The following LRMDA variants were observed in gnomAD, a reference collection of about 807,000 sequenced individuals.
The protein encoded by LRMDA is leucine-rich melanocyte differentiation-associated protein.
A neutral mutation model predicts 29.8 loss-of-function variants in LRMDA; 18 were observed. The observed-to-expected ratio is 0.60, with a 90% CI of 0.42 to 0.90. The LOEUF (loss-of-function observed/expected upper bound fraction) is 0.90. LRMDA is among the 40% of genes least tolerant of loss of function. The probability of loss-of-function intolerance (pLI) is 0.00; values close to 1 mark genes in which losing one functional copy is unlikely to be tolerated. For missense variants in LRMDA, 273 were observed against 273.9 expected, an observed-to-expected ratio of 1.00 and a Z score of 0.02; for synonymous variants, 125 against 109.4, an observed-to-expected ratio of 1.14 and a Z score of -0.89.
intron 2 of LRMDA, among the ~76,000 whole-genome samples, chr10:75,821,810 C>T (rs1422019396): frequency 1.3e-5 from 2 of 151,636 alleles, no homozygotes; most frequent in African/African-American, 4.9e-5. Flanking sequence ...AAAACCCTTA[C>T]CAAACTAGGT....
At chr10:76,137,354 A>G (rs1296557135) in intron 5 of LRMDA, among the ~76,000 whole-genome samples, 1 of 152,202 alleles carries the variant, frequency 6.6e-6, no homozygotes, top group Non-Finnish European at 1.5e-5. Context: ...ACAGTGTTGA[A>G]TAATTAATCT....
intron 2 of LRMDA, among the ~76,000 whole-genome samples, chr10:75,577,541 C>G (rs1017519126): frequency 6.6e-6 from 1 of 152,046 alleles, no homozygotes; most frequent in African/African-American, 2.4e-5. Context: ...CAGAGAACAC[C>G]GTGAAGATAC....
chr10:76,277,304 A>T (rs1840148077), intron 5 of LRMDA, among the ~76,000 whole-genome samples: 2 of 152,184 alleles, frequency 1.3e-5, no homozygotes, highest in Non-Finnish European at 2.9e-5. Context: ...TAGCTTCTCC[A>T]TAAGCCACTG....
At chr10:75,881,565 C>G (rs1397801286) in intron 2 of LRMDA, among the ~76,000 whole-genome samples, 1 of 152,106 alleles carries the variant, frequency 6.6e-6, no homozygotes, top group African/African-American at 2.4e-5. Context: ...TGCAACCAAT[C>G]AGACGTTTGC....
chr10:76,499,162 C>T (rs549996063), intron 6 of LRMDA, among the ~76,000 whole-genome samples: 1 of 75,108 alleles, frequency 1.3e-5, no homozygotes, highest in South Asian at 3.5e-4. Context: ...AATATATTTA[C>T]AGAGTTGTGC....
intron 6 of LRMDA, among the ~76,000 whole-genome samples, chr10:76,370,488 C>T (rs528801374): frequency 2.7e-4 from 41 of 152,264 alleles, no homozygotes; most frequent in Middle Eastern, 3.4e-3. Context: ...CAAGTGACCC[C>T]TTATCCTGTC....
rs182215006 is a variant in LRMDA at position 75,738,001 on chromosome 10, T to C, written c.132-298007T>C. Among the ~76,000 whole-genome samples the C allele has an allele frequency of 4.6e-5, 7 of 152,312 alleles. 1 individual carries two copies. The highest frequency in any genetic ancestry group is 3.9e-4 in the Admixed American group (6 of 15,300). ...GAGAAGCAATTTCCTGATTTCTCTC[T>C]GGTTTGGGTTAGAGTGGCCATTTTT... is the stretch of plus-strand genomic sequence containing the variant. On this transcript the variant is annotated intron_variant, in intron 2 of 6. Coordinates refer to ENST00000611255, the MANE Select transcript of LRMDA (RefSeq NM_001305581.2).
intron 2 of LRMDA, among the ~76,000 whole-genome samples, chr10:75,862,170 C>G (rs550226060): frequency 1.5e-4 from 18 of 119,572 alleles, no homozygotes; most frequent in African/African-American, 5.6e-4. Context: ...ATAATCAAAA[C>G]CTTGGGTTCA....
intron 5 of LRMDA, among the ~76,000 whole-genome samples, chr10:76,321,658 G>T (rs1213696463): frequency 6.6e-6 from 1 of 152,054 alleles, no homozygotes; most frequent in Non-Finnish European, 1.5e-5. Flanking sequence ...AGAAAATGTG[G>T]CAAGAGCCAG....
intron 5 of LRMDA, among the ~76,000 whole-genome samples, chr10:76,098,597 C>A (rs1849349779): frequency 6.6e-6 from 1 of 152,104 alleles, no homozygotes; most frequent in African/African-American, 2.4e-5. Context: ...TTAAATCTGA[C>A]TAGAAGTCTA....
At chr10:76,397,527 T>C (rs1232025353) in intron 6 of LRMDA, among the ~76,000 whole-genome samples, 3 of 152,204 alleles carry the variant, frequency 2.0e-5, no homozygotes, top group Admixed American at 2.0e-4. Context: ...TGGCTGGACA[T>C]AAAAGTCTCC....
chr10:75,857,171 G>C (rs1473903155), intron 2 of LRMDA, among the ~76,000 whole-genome samples: 1 of 152,192 alleles, frequency 6.6e-6, no homozygotes, highest in Admixed American at 6.5e-5. Flanking sequence ...TTGTGCTGAG[G>C]ATTAAATAAC....
intron 2 of LRMDA, among the ~76,000 whole-genome samples, chr10:75,603,969 G>A (rs1385904322): frequency 6.6e-6 from 1 of 152,146 alleles, no homozygotes; most frequent in African/African-American, 2.4e-5. Context: ...TAAGCAGTGT[G>A]GGATGATAGG....
rs1208998329 is a variant in LRMDA at position 75,560,064 on chromosome 10, G to A, written c.131+121570G>A. 2.0e-5 allele frequency among the ~76,000 whole-genome samples: 3 copies of A among 151,374 alleles called. No individual in the cohort carries two copies. The Admixed American group carries it at 2.0e-4, about 10-fold the overall frequency. On this transcript the variant is annotated intron_variant, in intron 2 of 6. Coordinates refer to ENST00000611255, the MANE Select transcript of LRMDA (RefSeq NM_001305581.2). ...CTTTAAAGTAGTTTTTTCCAATTCT[G>A]TGAAGAAAGTCATTGGTAGCTTTAT...
At chr10:75,498,399 G>A (rs1845073346) in intron 2 of LRMDA, among the ~76,000 whole-genome samples, 1 of 152,212 alleles carries the variant, frequency 6.6e-6, no homozygotes, top group South Asian at 2.1e-4. Context: ...ACTAGGCAAG[G>A]ATAGCTGTAT....
intron 6 of LRMDA, among the ~76,000 whole-genome samples, chr10:76,554,187 A>G (rs1018028763): frequency 6.6e-6 from 1 of 152,164 alleles, no homozygotes; most frequent in Non-Finnish European, 1.5e-5. Flanking sequence ...GACGACCCCA[A>G]GTGATGGGGA....
intron 6 of LRMDA, among the ~76,000 whole-genome samples, chr10:76,440,895 G>T (rs1476642085): frequency 6.6e-6 from 1 of 152,120 alleles, no homozygotes; most frequent in East Asian, 1.9e-4. Context: ...CCTTCATCAT[G>T]TGTCTATGAC....
At chr10:75,712,539 T>C (rs954697650) in intron 2 of LRMDA, among the ~76,000 whole-genome samples, 8 of 151,846 alleles carry the variant, frequency 5.3e-5, no homozygotes, top group Admixed American at 3.9e-4. Flanking sequence ...AGTGAGGGGA[T>C]TGATGGATGG....
intron 2 of LRMDA, chr10:75,552,476 T>C: frequency 2.6e-6 from 1 of 384,738 alleles, no homozygotes; most frequent in South Asian, 1.9e-5. Flanking sequence ...TGGTTTTTAG[T>C]AGTTTTACTA....
Sources: gnomAD v4.1 joint callset for allele counts (sites outside exome capture counted in the v4.1 genomes callset) on GRCh38, gnomAD v4.1.1 for gene constraint, MANE v1.5 for transcripts, NCBI Gene and HGNC (gene_info 2026-07-23, HGNC 2026-07-21) for gene names.